TMEM132D: variants seen among roughly 807,000 people sequenced by gnomAD.
The protein encoded by TMEM132D is mature OL transmembrane protein.
A neutral mutation model predicts 62.3 loss-of-function variants in TMEM132D; 21 were observed. That is an observed-to-expected ratio of 0.34 (90% CI 0.24 to 0.49). The LOEUF (loss-of-function observed/expected upper bound fraction) is 0.49, where lower values mean the gene tolerates loss of function less well. Ranked by LOEUF, TMEM132D falls within the 20% of genes least tolerant of loss-of-function variation. The pLI, the probability that TMEM132D is intolerant of heterozygous loss-of-function variation, is 0.99. For missense variants in TMEM132D, 1,346 were observed against 1,402.8 expected (o/e 0.96, Z 0.65); for synonymous variants, 621 against 575.6 (o/e 1.08, Z -1.13).
intron 2 of TMEM132D, among the ~76,000 whole-genome samples, chr12:129,619,719 A>C (rs1379271287): frequency 4.6e-5 from 7 of 152,248 alleles, no homozygotes; most frequent in African/African-American, 1.7e-4. Flanking sequence ...AAACATGAGG[A>C]TCATCTGACA....
At chr12:129,743,066 A>T (rs1375624815) in intron 1 of TMEM132D, among the ~76,000 whole-genome samples, 1 of 152,246 alleles carries the variant, frequency 6.6e-6, no homozygotes, top group Admixed American at 6.5e-5. Context: ...ACAGGGAAGA[A>T]TCTGCCCTCA....
chr12:129,449,363 G>T (rs143239526), intron 3 of TMEM132D, among the ~76,000 whole-genome samples: 1 of 152,290 alleles, frequency 6.6e-6, no homozygotes, highest in African/African-American at 2.4e-5. Context: ...AATAATTAAG[G>T]AATGAGTAAC....
intron 4 of TMEM132D, among the ~76,000 whole-genome samples, chr12:129,331,009 C>T (rs141797844): frequency 5.9e-5 from 9 of 152,190 alleles, no homozygotes; most frequent in Admixed American, 1.3e-4. Flanking sequence ...CCGACTTGCC[C>T]GCTGCCCTCA....
At chr12:129,720,947 C>T (rs1868801066) in intron 1 of TMEM132D, among the ~76,000 whole-genome samples, 1 of 152,218 alleles carries the variant, frequency 6.6e-6, no homozygotes, top group African/African-American at 2.4e-5. Flanking sequence ...GCACTGCCCT[C>T]CAGGAGCTGA....
chr12:129,253,881 T>C (rs141505831), intron 4 of TMEM132D, among the ~76,000 whole-genome samples: 17 of 152,244 alleles, frequency 1.1e-4, no homozygotes, highest in African/African-American at 4.1e-4. Context: ...AGCAAAAAAT[T>C]AACTTCCTAC....
rs531939887 is a variant in TMEM132D, at chr12:129,724,100, G to A, written c.80-23402C>T. Among the ~76,000 whole-genome samples the A allele has an allele frequency of 5.3e-5, 8 of 152,326 alleles. No individual in the cohort carries two copies. In the East Asian group the frequency reaches 9.6e-4, roughly 18 times the overall value. On this transcript the variant is annotated intron_variant, in intron 1 of 8. Transcript: ENST00000422113. ...TCAGAGTCAGAGGAGGAGATGCCAC[G>A]TTTGAGTAGAAGGCACATTTGAGAT... is the stretch of plus-strand genomic sequence containing the variant.
chr12:129,785,840 T>TTG (rs1470712975), intron 1 of TMEM132D, among the ~76,000 whole-genome samples: 1 of 152,246 alleles, frequency 6.6e-6, no homozygotes, highest in African/African-American at 2.4e-5. Context: ...TGACTCTTTC[T>TTG]TGTGGTCAGT....
At chr12:129,427,126 CTT>C (rs1187901526) in intron 3 of TMEM132D, among the ~76,000 whole-genome samples, 2 of 152,192 alleles carry the variant, frequency 1.3e-5, no homozygotes, top group Admixed American at 6.5e-5. Flanking sequence ...CAAATATACT[CTT>C]GTTTGCATGT....
At chr12:129,814,935 G>A (rs1593172588) in intron 1 of TMEM132D, among the ~76,000 whole-genome samples, 1 of 152,168 alleles carries the variant, frequency 6.6e-6, no homozygotes, top group South Asian at 2.1e-4. Flanking sequence ...CCTAGCATAA[G>A]CCCCCACATG....
chr12:129,211,878 C>T (rs1879061658), intron 4 of TMEM132D: 1 of 152,216 alleles, frequency 6.6e-6, no homozygotes, highest in South Asian at 2.1e-4. Context: ...CTATTTCCTG[C>T]TGCCTCTAGG....
chr12:129,472,742 G>A (rs886805236), intron 3 of TMEM132D, among the ~76,000 whole-genome samples: 8 of 152,310 alleles, frequency 5.3e-5, no homozygotes, highest in South Asian at 2.1e-4. Flanking sequence ...GGTTTTGAGC[G>A]GATTCTTCAA....
intron 2 of TMEM132D, among the ~76,000 whole-genome samples, chr12:129,654,880 G>A (rs12372286): frequency 6.6e-6 from 1 of 152,072 alleles, no homozygotes; most frequent in African/African-American, 2.4e-5. Context: ...ACAAACAAAC[G>A]AACACATTTT....
At chr12:129,516,939 C>T (rs1361647762) in intron 3 of TMEM132D, among the ~76,000 whole-genome samples, 1 of 152,136 alleles carries the variant, frequency 6.6e-6, no homozygotes, top group Non-Finnish European at 1.5e-5. Flanking sequence ...TTCCTCAAAT[C>T]CATCAAACCT....
intron 4 of TMEM132D, among the ~76,000 whole-genome samples, chr12:129,257,963 A>G (rs1191981224): frequency 6.6e-6 from 1 of 152,152 alleles, no homozygotes. Context: ...GAATCACAGA[A>G]GCCTTTTTTG....
intron 4 of TMEM132D, among the ~76,000 whole-genome samples, chr12:129,251,637 T>C (rs80157373): frequency 2.7e-3 from 414 of 152,312 alleles, no homozygotes; most frequent in Middle Eastern, 0.014. Flanking sequence ...GTTAGTGTTT[T>C]TGACAACGTA....
intron 5 of TMEM132D, among the ~76,000 whole-genome samples, chr12:129,127,629 G>T (rs1876254346): frequency 6.6e-6 from 1 of 152,082 alleles, no homozygotes; most frequent in Non-Finnish European, 1.5e-5. Context: ...CAGGTTTTTG[G>T]ACAGGTTGAA....
intron 5 of TMEM132D, among the ~76,000 whole-genome samples, chr12:129,153,055 T>C (rs929066783): frequency 2.0e-5 from 3 of 152,202 alleles, no homozygotes; most frequent in Non-Finnish European, 4.4e-5. Flanking sequence ...TCGTATTTGC[T>C]TCCTGCTATG....
intron 5 of TMEM132D, among the ~76,000 whole-genome samples, chr12:129,198,565 G>A (rs1014801025): frequency 3.3e-5 from 5 of 152,152 alleles, no homozygotes; most frequent in African/African-American, 9.7e-5. Flanking sequence ...GGCCCAGAAA[G>A]ACAAATACTG....
At chr12:129,139,749 T>C (rs906594632) in intron 5 of TMEM132D, among the ~76,000 whole-genome samples, 2 of 152,190 alleles carry the variant, frequency 1.3e-5, no homozygotes, top group African/African-American at 4.8e-5. Context: ...AAGAGTGCAG[T>C]AGTGTGATCA....
Sources: allele counts gnomAD v4.1 joint callset (sites outside exome capture counted in the v4.1 genomes callset), GRCh38; gene constraint gnomAD v4.1.1; transcripts MANE v1.5; gene names NCBI Gene and HGNC (gene_info 2026-07-23, HGNC 2026-07-21).